Variants in CSMD1 observed in about 807,000 individuals in gnomAD.
CSMD1 encodes CUB and sushi domain-containing protein 1.
A neutral mutation model predicts 417.5 loss-of-function variants in CSMD1; 213 were observed. The ratio of observed to expected loss-of-function variants is 0.51; its 90% CI spans 0.46 to 0.57. The LOEUF is 0.57. CSMD1 is among the 20% of genes least tolerant of loss of function. CSMD1 has a pLI of 0.00. For missense variants in CSMD1, 6,923 were observed against 4,529.7 expected (o/e 1.53, Z -15.17); for synonymous variants, 2,862 against 1,736.8 (o/e 1.65, Z -16.11).
At chr8:4,149,850 T>G (rs1796475964) in intron 3 of CSMD1, among the ~76,000 whole-genome samples, 1 of 152,214 alleles carries the variant, frequency 6.6e-6, no homozygotes, top group African/African-American at 2.4e-5. Context: ...CTTTATAAAT[T>G]AAATGCATAA....
intron 1 of CSMD1, among the ~76,000 whole-genome samples, chr8:4,712,993 A>C (rs555253901): frequency 1.1e-4 from 16 of 152,350 alleles, no homozygotes; most frequent in Non-Finnish European, 1.9e-4. Context: ...ACTGGCAGTA[A>C]TATTAATGAT....
intron 3 of CSMD1, among the ~76,000 whole-genome samples, chr8:4,417,771 C>A (rs1235908942): frequency 6.6e-6 from 1 of 151,938 alleles, no homozygotes; most frequent in African/African-American, 2.4e-5. Flanking sequence ...TAATTATTAT[C>A]ATTAATTCTA....
chr8:3,779,056 C>G (rs897143180), intron 5 of CSMD1, among the ~76,000 whole-genome samples: 3 of 152,030 alleles, frequency 2.0e-5, no homozygotes, highest in African/African-American at 7.3e-5. Flanking sequence ...TAACAAATTA[C>G]CATTCCTGTT....
At chr8:4,601,640 G>A (rs191860489) in intron 2 of CSMD1, among the ~76,000 whole-genome samples, 11 of 152,218 alleles carry the variant, frequency 7.2e-5, no homozygotes, top group East Asian at 1.9e-4. Flanking sequence ...AAAGTATGGC[G>A]GATGTCTCAT....
intron 26 of CSMD1, among the ~76,000 whole-genome samples, chr8:3,265,303 C>T (rs1049753436): frequency 2.0e-5 from 3 of 152,258 alleles, no homozygotes; most frequent in East Asian, 1.9e-4. Flanking sequence ...AAATGGTAAA[C>T]GCAGAAATCA....
chr8:4,814,621 T>C (rs1471877212), intron 1 of CSMD1, among the ~76,000 whole-genome samples: 1 of 152,186 alleles, frequency 6.6e-6, no homozygotes, highest in African/African-American at 2.4e-5. Context: ...TAATTAGTAT[T>C]GATCAAGGGT....
intron 3 of CSMD1, among the ~76,000 whole-genome samples, chr8:4,366,217 C>G (rs1254776724): frequency 3.3e-5 from 5 of 151,320 alleles, no homozygotes; most frequent in Non-Finnish European, 7.4e-5. Context: ...GGATAATGGT[C>G]TTCAACTGCA....
At chr8:4,459,398 G>A (rs1407058985) in intron 2 of CSMD1, among the ~76,000 whole-genome samples, 1 of 152,202 alleles carries the variant, frequency 6.6e-6, no homozygotes, top group African/African-American at 2.4e-5. Flanking sequence ...CAGTCCAGCA[G>A]AAGCTGAGAG....
chr8:4,146,235 C>T (rs1184052412), intron 3 of CSMD1, among the ~76,000 whole-genome samples: 1 of 150,998 alleles, frequency 6.6e-6, no homozygotes, highest in Non-Finnish European at 1.5e-5. Flanking sequence ...TTGGAGAAAA[C>T]CTCTCCCAGG....
At position 3,186,546 on chromosome 8, in the gene CSMD1, C is replaced by A. The variant is rs535521126; in HGVS notation, c.5620+1323G>T. Among the ~76,000 whole-genome samples, 361 of 152,214 alleles carry A rather than the reference C, an allele frequency of 2.4e-3. 2 individuals are homozygous for A. The highest frequency in any genetic ancestry group is 8.4e-3 in the African/African-American group (349 of 41,528). ...GAGAACCAGAGATAAGATCTTTGAA[C>A]CATTTGAAGTGATAAAATGGAAGTT... is the stretch of plus-strand genomic sequence containing the variant. On this transcript the variant is annotated intron_variant, in intron 36 of 69. Transcript: ENST00000635120.
intron 1 of CSMD1, among the ~76,000 whole-genome samples, chr8:4,894,807 G>T (rs1016625624): frequency 2.6e-5 from 4 of 151,760 alleles, no homozygotes; most frequent in Admixed American, 2.6e-4. Flanking sequence ...CCTCATGAAC[G>T]GACAACTTGA....
At chr8:3,527,046 A>T (rs890446635) in intron 10 of CSMD1, among the ~76,000 whole-genome samples, 1 of 151,970 alleles carries the variant, frequency 6.6e-6, no homozygotes, top group Non-Finnish European at 1.5e-5. Flanking sequence ...CAGTTGTCGT[A>T]TGCATGCCGG....
At chr8:4,277,244 A>T (rs1182653005) in intron 3 of CSMD1, among the ~76,000 whole-genome samples, 4 of 151,956 alleles carry the variant, frequency 2.6e-5, no homozygotes, top group Non-Finnish European at 4.4e-5. Context: ...TACTGCTGTT[A>T]ATCTTTAAGA....
In CSMD1 at chr8:2,937,300, A is replaced by C. The variant is rs1466387299; in HGVS notation, c.*1285T>G. ...GTATAAAATATATCATTGTGAGAGG[A>C]GAGTGTGTGTACTTTTTCCTTCCCT... On this transcript the variant is annotated 3_prime_UTR_variant, in exon 70 of 70. Transcript: ENST00000635120. The C allele has an allele frequency of 6.6e-6, 1 of 152,170 alleles. No homozygotes were observed. The highest frequency in any genetic ancestry group is 1.5e-5 in the Non-Finnish European group (1 of 68,028). 9.4% of individuals were successfully genotyped at this position (152,170 alleles called of 1,614,324 possible).
At chr8:4,099,258 T>A (rs756535458) in intron 3 of CSMD1, among the ~76,000 whole-genome samples, 1 of 151,896 alleles carries the variant, frequency 6.6e-6, no homozygotes, top group African/African-American at 2.4e-5. Flanking sequence ...AGTGTCTTTC[T>A]TTGTTCTGTT....
intron 1 of CSMD1, among the ~76,000 whole-genome samples, chr8:4,657,129 T>A (rs1804279901): frequency 6.6e-6 from 1 of 151,910 alleles, no homozygotes; most frequent in South Asian, 2.1e-4. Context: ...ATCCAAAACA[T>A]CCCTGCATAG....
At chr8:3,641,981 C>A (rs565603118) in intron 7 of CSMD1, among the ~76,000 whole-genome samples, 1 of 152,192 alleles carries the variant, frequency 6.6e-6, no homozygotes, top group East Asian at 1.9e-4. Context: ...GAGCAGCAAT[C>A]CTAAGAGATT....
intron 2 of CSMD1, among the ~76,000 whole-genome samples, chr8:4,545,096 G>C (rs1797572590): frequency 6.6e-6 from 1 of 152,206 alleles, no homozygotes; most frequent in South Asian, 2.1e-4. Context: ...TAAAAGGCAT[G>C]TTAAGAGGGG....
chr8:4,420,345 G>T (rs894542644), intron 2 of CSMD1, among the ~76,000 whole-genome samples: 2 of 151,684 alleles, frequency 1.3e-5, no homozygotes, highest in African/African-American at 4.8e-5. Flanking sequence ...CTCGTTTTTG[G>T]ATGGCAATTA....
Sources: allele counts gnomAD v4.1 joint callset (sites outside exome capture counted in the v4.1 genomes callset), GRCh38; gene constraint gnomAD v4.1.1; transcripts MANE v1.5; gene names NCBI Gene and HGNC (gene_info 2026-07-23, HGNC 2026-07-21).